TLL1: variants seen among roughly 807,000 people sequenced by gnomAD.
TLL1 encodes tolloid like 1.
TLL1 carries 49 observed loss-of-function variants against 128.2 expected under a neutral mutation model. The ratio of observed to expected loss-of-function variants is 0.38; its 90% confidence interval spans 0.30 to 0.48. The LOEUF is 0.48. TLL1 is among the 20% of genes least tolerant of loss of function. The pLI is 0.96. For missense variants in TLL1, 1,123 were observed against 1,242.0 expected (o/e 0.90, Z 1.44); for synonymous variants, 454 against 418.8 (o/e 1.08, Z -1.03).
intron 2 of TLL1, 73 bp downstream of exon 2, chr4:165,989,564 T>C: frequency 8.9e-7 from 1 of 1,120,146 alleles, no homozygotes; most frequent in Non-Finnish European, 1.4e-6. Flanking sequence ...ATAAATATTT[T>C]TGGATCATTT....
intron 1 of TLL1, among the ~76,000 whole-genome samples, chr4:165,943,659 T>C (rs1441871689): frequency 6.6e-6 from 1 of 151,524 alleles, no homozygotes; most frequent in East Asian, 1.9e-4. Flanking sequence ...AAGCCACATT[T>C]GGAAAATGTG....
chr4:165,877,932 A>G (rs1365223991), intron 1 of TLL1, among the ~76,000 whole-genome samples: 2 of 152,100 alleles, frequency 1.3e-5, no homozygotes, highest in African/African-American at 4.8e-5. Flanking sequence ...TTGCAGAACA[A>G]TATCCTTATT....
intron 1 of TLL1, among the ~76,000 whole-genome samples, chr4:165,952,750 A>G (rs1449494297): frequency 6.6e-6 from 1 of 152,118 alleles, no homozygotes; most frequent in Non-Finnish European, 1.5e-5. Flanking sequence ...CATTCATTAT[A>G]TTTCATATTA....
At position 166,085,293 on chromosome 4, in the gene TLL1, G is replaced by C. The variant is rs531899067; in HGVS notation, c.2443-5835G>C. Among the ~76,000 whole-genome samples the C allele has an allele frequency of 2.9e-4, 40 of 137,226 alleles. 1 individual carries two copies. The South Asian group carries it at 8.5e-3, about 29-fold the overall frequency. 90.0% of individuals were successfully genotyped at this position (137,226 alleles called of 152,430 possible). On this transcript the variant is annotated intron_variant, in intron 18 of 20. Coordinates refer to ENST00000061240, the MANE Select transcript of TLL1 (RefSeq NM_012464.5). ...TTTCTTTCTATGGCCTAATTGTTCTGTCTAGGACCTCCGGTACTATACTGA... is the reference window on the plus strand; with the variant it reads ...TTTCTTTCTATGGCCTAATTGTTCTCTCTAGGACCTCCGGTACTATACTGA...
At chr4:165,875,356 C>T (rs1264906942) in intron 1 of TLL1, among the ~76,000 whole-genome samples, 1 of 151,990 alleles carries the variant, frequency 6.6e-6, no homozygotes, top group African/African-American at 2.4e-5. Context: ...CCTTTGATGA[C>T]CCATTGTTCT....
chr4:166,002,117 C>T (rs1737194158), intron 5 of TLL1, among the ~76,000 whole-genome samples: 1 of 152,116 alleles, frequency 6.6e-6, no homozygotes, highest in Admixed American at 6.6e-5. Context: ...GGAGACGCGG[C>T]ACTGCAGAAT....
intron 5 of TLL1, among the ~76,000 whole-genome samples, chr4:165,995,876 T>A (rs923717716): frequency 3.3e-5 from 5 of 152,156 alleles, no homozygotes; most frequent in Non-Finnish European, 7.4e-5. Context: ...TTCCCACATA[T>A]CAATTTTGTA....
At chr4:165,939,677 G>A (rs556293643) in intron 1 of TLL1, among the ~76,000 whole-genome samples, 5 of 151,936 alleles carry the variant, frequency 3.3e-5, no homozygotes, top group Admixed American at 1.3e-4. Flanking sequence ...CCTCTGCTGG[G>A]CCACTAATTC....
intron 1 of TLL1, among the ~76,000 whole-genome samples, chr4:165,937,938 C>A (rs1046344197): frequency 2.1e-5 from 3 of 139,936 alleles, no homozygotes; most frequent in African/African-American, 7.8e-5. Flanking sequence ...TATCTAGATA[C>A]CCATAGGATT....
intron 1 of TLL1, among the ~76,000 whole-genome samples, chr4:165,908,853 A>T (rs1353786881): frequency 6.6e-6 from 1 of 152,110 alleles, no homozygotes; most frequent in African/African-American, 2.4e-5. Context: ...TGGATTCTGG[A>T]TGTATTTTGA....
intron 1 of TLL1, among the ~76,000 whole-genome samples, chr4:165,963,980 T>C (rs1017830984): frequency 6.6e-6 from 1 of 152,180 alleles, no homozygotes; most frequent in African/African-American, 2.4e-5. Flanking sequence ...TATCTCCTAC[T>C]GCAAATCTCC....
intron 12 of TLL1, among the ~76,000 whole-genome samples, chr4:166,052,531 G>A (rs1739792380): frequency 6.6e-6 from 1 of 152,118 alleles, no homozygotes; most frequent in African/African-American, 2.4e-5. Flanking sequence ...TCCTGACCAT[G>A]TGATCCACCT....
chr4:165,950,921 A>T (rs1734481993), intron 1 of TLL1, among the ~76,000 whole-genome samples: 1 of 152,116 alleles, frequency 6.6e-6, no homozygotes, highest in African/African-American at 2.4e-5. Context: ...AAAGTCATTT[A>T]AGCTCGAAAG....
At chr4:166,045,054 G>C (rs887795851) in intron 12 of TLL1, among the ~76,000 whole-genome samples, 1 of 152,182 alleles carries the variant, frequency 6.6e-6, no homozygotes, top group Non-Finnish European at 1.5e-5. Flanking sequence ...ACACACAGTA[G>C]TTGCTTAATA....
At chr4:165,986,078 G>A (rs1415159736) in intron 1 of TLL1, among the ~76,000 whole-genome samples, 1 of 151,590 alleles carries the variant, frequency 6.6e-6, no homozygotes, top group Non-Finnish European at 1.5e-5. Flanking sequence ...CCAAATGAAC[G>A]ATAATTCATA....
At chr4:166,011,221 G>A (rs112921895) in intron 7 of TLL1, among the ~76,000 whole-genome samples, 68 of 151,478 alleles carry the variant, frequency 4.5e-4, no homozygotes, top group African/African-American at 1.6e-3. Context: ...GATAGAAATT[G>A]CATTGAATCT....
chr4:166,000,615 G>A (rs1289544244), intron 5 of TLL1, among the ~76,000 whole-genome samples: 2 of 152,082 alleles, frequency 1.3e-5, no homozygotes, highest in Non-Finnish European at 2.9e-5. Context: ...TGACTCAATA[G>A]GGGTAATTTA....
intron 16 of TLL1, among the ~76,000 whole-genome samples, chr4:166,072,664 GAT>G (rs1740846734): frequency 6.6e-6 from 1 of 151,708 alleles, no homozygotes; most frequent in South Asian, 2.1e-4. Flanking sequence ...ATGAAGTTTG[GAT>G]ATTAGGGATA....
At chr4:166,068,072 G>C (rs1000715619) in intron 16 of TLL1, among the ~76,000 whole-genome samples, 1 of 151,702 alleles carries the variant, frequency 6.6e-6, no homozygotes, top group African/African-American at 2.4e-5. Flanking sequence ...TAAATTTTCA[G>C]GGTTCACTTT....
Sources: allele counts gnomAD v4.1 joint callset (sites outside exome capture counted in the v4.1 genomes callset), GRCh38; gene constraint gnomAD v4.1.1; transcripts MANE v1.5; gene names NCBI Gene and HGNC (gene_info 2026-07-23, HGNC 2026-07-21).